Variants in ANK3 observed in about 807,000 individuals in gnomAD.
ANK3 encodes the protein ankyrin-3.
ANK3 carries 57 observed loss-of-function variants against 370.9 expected under a neutral mutation model. The observed-to-expected ratio is 0.15, with a 90% CI of 0.12 to 0.19. The LOEUF (loss-of-function observed/expected upper bound fraction) is 0.19, where lower values mean the gene tolerates loss of function less well. Among genes scored for constraint, ANK3 ranks in the 10% least tolerant of loss-of-function variants. ANK3 has a pLI of 1.00. For missense variants in ANK3, 4,439 were observed against 5,302.1 expected (o/e 0.84, Z 5.06); for synonymous variants, 1,929 against 1,946.3 (o/e 0.99, Z 0.23).
Position 60,670,061 on chromosome 10 carries a change from G to C in ANK3, c.58-54837C>G, listed in dbSNP as rs144397591. Among the ~76,000 whole-genome samples the C allele has an allele frequency of 2.0e-3, 303 of 152,204 alleles. 1 individual carries two copies. Among genetic ancestry groups the C allele is most frequent in the African/African-American group, 6.9e-3 (288 of 41,532 alleles). ...GCTGGTCTCAAACTCCTGGGCTCAA[G>C]GGATCCTTTCGTCTCAGCCTCCCAA... is the stretch of plus-strand genomic sequence containing the variant. On this transcript the variant is annotated intron_variant, in intron 1 of 43. Transcript: ENST00000373827.
At chr10:60,154,441 T>C (rs1035801161) in intron 23 of ANK3, among the ~76,000 whole-genome samples, 2 of 152,170 alleles carry the variant, frequency 1.3e-5, no homozygotes, top group African/African-American at 4.8e-5. Flanking sequence ...AGATCTACCT[T>C]CACATTTCCC....
upstream of ANK3, among the ~76,000 whole-genome samples, chr10:60,391,179 G>A (rs191846674): frequency 7.2e-5 from 11 of 152,282 alleles, no homozygotes; most frequent in Admixed American, 2.0e-4. Context: ...AATGGACTGC[G>A]CACTTCTCTG....
At chr10:60,133,858 G>A (rs954221134) in intron 25 of ANK3, among the ~76,000 whole-genome samples, 1 of 152,146 alleles carries the variant, frequency 6.6e-6, no homozygotes, top group African/African-American at 2.4e-5. Flanking sequence ...GGCAGAGGCT[G>A]CAGTGAGCTG....
At chr10:60,685,607 A>G (rs2079257778) in intron 1 of ANK3, among the ~76,000 whole-genome samples, 1 of 152,252 alleles carries the variant, frequency 6.6e-6, no homozygotes, top group African/African-American at 2.4e-5. Context: ...GCAAATCTTC[A>G]GCTAATCTAA....
At chr10:60,183,666 C>A (rs1007309101) in intron 17 of ANK3, among the ~76,000 whole-genome samples, 1 of 151,994 alleles carries the variant, frequency 6.6e-6, no homozygotes, top group Admixed American at 6.6e-5. Context: ...TGAGACCAGC[C>A]TGACCTACAT....
At chr10:60,292,152 A>C (rs2041548827) in intron 1 of ANK3, among the ~76,000 whole-genome samples, 1 of 152,220 alleles carries the variant, frequency 6.6e-6, no homozygotes, top group Non-Finnish European at 1.5e-5. Context: ...AATTAATAAA[A>C]TGTTTATATT....
chr10:60,502,622 G>A (rs940406205), intron 2 of ANK3, among the ~76,000 whole-genome samples: 1 of 151,990 alleles, frequency 6.6e-6, no homozygotes, highest in Non-Finnish European at 1.5e-5. Context: ...TCAGGCTGCA[G>A]TGCGTGATGA....
chr10:60,351,085 C>T (rs1298939090), intron 1 of ANK3, among the ~76,000 whole-genome samples: 2 of 152,130 alleles, frequency 1.3e-5, no homozygotes, highest in Non-Finnish European at 2.9e-5. Context: ...GCCAGGCTTA[C>T]TTCTTTCTGT....
intron 1 of ANK3, among the ~76,000 whole-genome samples, chr10:60,657,036 T>A (rs533402111): frequency 7.5e-4 from 114 of 152,300 alleles, no homozygotes; most frequent in African/African-American, 2.4e-3. Context: ...AGAGGTTTAA[T>A]GGACTTACAG....
intron 2 of ANK3, among the ~76,000 whole-genome samples, chr10:60,580,323 C>T (rs781376183): frequency 6.6e-6 from 1 of 152,166 alleles, no homozygotes; most frequent in South Asian, 2.1e-4. Context: ...TGGAGAGCCA[C>T]AGGTGATATC....
chr10:60,121,293 A>T (rs917863203), intron 25 of ANK3, among the ~76,000 whole-genome samples: 2 of 151,912 alleles, frequency 1.3e-5, no homozygotes, highest in Non-Finnish European at 2.9e-5. Flanking sequence ...ATGGAGATCG[A>T]AAGTAGAAAA....
intron 2 of ANK3, among the ~76,000 whole-genome samples, chr10:60,567,851 A>G (rs374467105): frequency 3.9e-5 from 6 of 152,212 alleles, no homozygotes; most frequent in African/African-American, 1.2e-4. Context: ...CAAGACTTCA[A>G]TGGAGGAAGT....
At chr10:60,616,566 A>G (rs950846837) in intron 1 of ANK3, among the ~76,000 whole-genome samples, 5 of 152,084 alleles carry the variant, frequency 3.3e-5, no homozygotes, top group African/African-American at 1.2e-4. Flanking sequence ...TAATCTACCT[A>G]TTTACATGGC....
intron 2 of ANK3, among the ~76,000 whole-genome samples, chr10:60,420,062 C>T (rs2063746971): frequency 6.6e-6 from 1 of 152,052 alleles, no homozygotes; most frequent in East Asian, 1.9e-4. Context: ...CGCCATTAAG[C>T]AAAACATTGT....
At chr10:60,116,331 G>A (rs540275251) in intron 25 of ANK3, among the ~76,000 whole-genome samples, 1 of 152,186 alleles carries the variant, frequency 6.6e-6, no homozygotes, top group South Asian at 2.1e-4. Flanking sequence ...AAATGTTCTG[G>A]CTTATTACTT....
intron 1 of ANK3, among the ~76,000 whole-genome samples, chr10:60,375,672 GC>G (rs2060685675): frequency 6.6e-6 from 1 of 152,120 alleles, no homozygotes; most frequent in African/African-American, 2.4e-5. Flanking sequence ...CACGTTTAAT[GC>G]CTCCATAAAC....
At chr10:60,517,417 T>C (rs2076246322) in intron 2 of ANK3, among the ~76,000 whole-genome samples, 1 of 152,004 alleles carries the variant, frequency 6.6e-6, no homozygotes, top group South Asian at 2.1e-4. Flanking sequence ...TGAAATGAGA[T>C]TACCCATCTA....
At position 60,063,312 on chromosome 10, in the gene ANK3, C is replaced by A. The variant is rs910271533; in HGVS notation, c.12452-58G>T. ...TTAAATTATGTTCTTTCAGTCAGCACAATATCTACACAAAGGCATGGCTTT... is the reference window on the plus strand; with the variant it reads ...TTAAATTATGTTCTTTCAGTCAGCAAAATATCTACACAAAGGCATGGCTTT... On this transcript the variant is annotated intron_variant, in intron 39 of 43. Coordinates refer to ENST00000280772, the MANE Select transcript of ANK3 (RefSeq NM_020987.5). The A allele has an allele frequency of 5.2e-5, 79 of 1,522,138 alleles. 1 individual carries two copies. In the South Asian group the frequency reaches 9.8e-4, roughly 19 times the overall value. The allele number at this position is 1,522,138 out of a possible 1,614,324, so 94.3% of individuals were successfully genotyped here.
At chr10:60,192,701 G>A (rs1025618834) in intron 16 of ANK3, among the ~76,000 whole-genome samples, 15 of 152,120 alleles carry the variant, frequency 9.9e-5, no homozygotes, top group African/African-American at 3.4e-4. Flanking sequence ...AGGTGGGACG[G>A]TAGGAGTGGG....
Sources: gnomAD v4.1 joint callset for allele counts (sites outside exome capture counted in the v4.1 genomes callset) on GRCh38, gnomAD v4.1.1 for gene constraint, MANE v1.5 for transcripts, NCBI Gene and HGNC (gene_info 2026-07-23, HGNC 2026-07-21) for gene names.